GPD1L: variants seen among roughly 807,000 people sequenced by gnomAD.
GPD1L encodes the protein glycerol-3-phosphate dehydrogenase 1-like protein.
GPD1L carries 17 observed loss-of-function variants against 32.9 expected under a neutral mutation model. That is an observed-to-expected ratio of 0.52 (90% confidence interval 0.35 to 0.78). The LOEUF (loss-of-function observed/expected upper bound fraction) is 0.78. Ranked by LOEUF, GPD1L falls within the 30% of genes least tolerant of loss-of-function variation. GPD1L has a pLI of 0.01. For missense variants in GPD1L, 361 were observed against 447.8 expected (o/e 0.81, Z 1.75); for synonymous variants, 187 against 165.9 (o/e 1.13, Z -0.98).
intron 5 of GPD1L, among the ~76,000 whole-genome samples, chr3:32,152,955 C>T (rs1351040527): frequency 1.3e-5 from 2 of 151,894 alleles, no homozygotes; most frequent in African/African-American, 2.4e-5. Flanking sequence ...CTAGGTGTGA[C>T]CATAACTAGC....
chr3:32,109,473 A>G (rs531527776), intron 1 of GPD1L, among the ~76,000 whole-genome samples: 3 of 152,140 alleles, frequency 2.0e-5, no homozygotes, highest in Admixed American at 2.0e-4. Context: ...AGGGAAATGG[A>G]GTAGAACTTG....
intron 1 of GPD1L, among the ~76,000 whole-genome samples, chr3:32,115,878 T>C (rs1051243851): frequency 7.3e-6 from 1 of 137,282 alleles, no homozygotes; most frequent in Non-Finnish European, 1.5e-5. Context: ...AACCTCCACC[T>C]CCCGGGTTCA....
chr3:32,108,858 A>C (rs1383115973), intron 1 of GPD1L, among the ~76,000 whole-genome samples: 2 of 151,752 alleles, frequency 1.3e-5, no homozygotes, highest in Non-Finnish European at 2.9e-5. Context: ...TTTTTTTATT[A>C]CTATTTTTTT....
At chr3:32,130,305 T>C (rs1179194651) in intron 2 of GPD1L, among the ~76,000 whole-genome samples, 1 of 152,086 alleles carries the variant, frequency 6.6e-6, no homozygotes, top group Non-Finnish European at 1.5e-5. Context: ...ATTCTTCCTG[T>C]TTAAGTGAAA....
chr3:32,112,361 G>T (rs1019082489), intron 1 of GPD1L, among the ~76,000 whole-genome samples: 1 of 147,688 alleles, frequency 6.8e-6, no homozygotes, highest in South Asian at 2.2e-4. Flanking sequence ...ATGGCCGGGC[G>T]CAGTGGCTCA....
intron 1 of GPD1L, among the ~76,000 whole-genome samples, chr3:32,117,186 G>A (rs771029233): frequency 3.4e-4 from 51 of 152,090 alleles, no homozygotes; most frequent in Non-Finnish European, 5.6e-4. Context: ...TAATATTGCT[G>A]GGTATAGGTA....
At chr3:32,126,212 A>C (rs1222815452) in intron 1 of GPD1L, among the ~76,000 whole-genome samples, 3 of 152,230 alleles carry the variant, frequency 2.0e-5, no homozygotes, top group Admixed American at 6.5e-5. Flanking sequence ...TAAATAAATA[A>C]ATAAATACAT....
intron 1 of GPD1L, among the ~76,000 whole-genome samples, chr3:32,119,234 C>T (rs554745962): frequency 6.6e-6 from 1 of 152,348 alleles, no homozygotes; most frequent in East Asian, 1.9e-4. Context: ...AATCTACAAA[C>T]AGTATACAAG....
rs72546642 is a variant in GPD1L at position 32,159,591 on chromosome 3, G to A, written c.876G>A (p.Glu292=). 144 of 1,609,288 alleles carry A rather than the reference G, an allele frequency of 8.9e-5. No homozygotes were observed. Among genetic ancestry groups the A allele is most frequent in the Non-Finnish European group, 1.6e-5 (19 of 1,176,066 alleles). Residue 292 remains glutamate (E), a synonymous_variant, in exon 7 of 8, where the codon GAG becomes GAA. Coordinates refer to ENST00000282541, the MANE Select transcript of GPD1L (RefSeq NM_015141.4). ...AGACCATTGAAGAGTTGGAGAAGGA[G>A]ATGCTGAATGGGCAAAAGCTCCAAG... ...TGKTIEELEK[E]MLNGQKLQGP...
intron 2 of GPD1L, among the ~76,000 whole-genome samples, chr3:32,134,747 CA>C (rs2125482795): frequency 6.6e-6 from 1 of 152,282 alleles, no homozygotes; most frequent in South Asian, 2.1e-4. Flanking sequence ...CTCAGCCTCC[CA>C]AAAGTGTTGG....
At chr3:32,143,936 C>T (rs1034997369) in intron 4 of GPD1L, among the ~76,000 whole-genome samples, 3 of 152,032 alleles carry the variant, frequency 2.0e-5, no homozygotes, top group African/African-American at 7.2e-5. Flanking sequence ...GAGCAGTGAT[C>T]GCACCATGGC....
At chr3:32,149,365 A>T (rs1284428369) in intron 5 of GPD1L, among the ~76,000 whole-genome samples, 3 of 152,166 alleles carry the variant, frequency 2.0e-5, no homozygotes, top group East Asian at 3.9e-4. Context: ...CCAGCCATTG[A>T]TGTGTTTTAC....
chr3:32,112,172 G>A (rs948542515), intron 1 of GPD1L, among the ~76,000 whole-genome samples: 2 of 151,980 alleles, frequency 1.3e-5, no homozygotes, highest in Non-Finnish European at 2.9e-5. Flanking sequence ...TCCCCCACCT[G>A]TTTGGTATAC....
chr3:32,135,776 T>A (rs2167385), intron 2 of GPD1L, among the ~76,000 whole-genome samples: 21,280 of 152,132 alleles, frequency 0.14, 2,102 homozygotes, highest in East Asian at 0.47. Context: ...ATTAATGCAA[T>A]AGAATCAGAA....
In GPD1L at chr3:32,149,944, G is replaced by A. The variant is rs531248663; in HGVS notation, c.618+3210G>A. On this transcript the variant is annotated intron_variant, in intron 5 of 7. Coordinates refer to ENST00000282541, the MANE Select transcript of GPD1L (RefSeq NM_015141.4). ...AGCCTGGGCGACAGAGTGAGACTCC[G>A]TCTCAAAAAAAAAAAAAAATGTAAT... Among the ~76,000 whole-genome samples, 717 of 110,512 alleles carry A rather than the reference G, an allele frequency of 6.5e-3. 5 individuals are homozygous for A. Among genetic ancestry groups the A allele is most frequent in the Non-Finnish European group, 7.7e-3 (459 of 59,742 alleles). The allele number at this position is 110,512 out of a possible 152,430, so 72.5% of individuals were successfully genotyped here. A position where few individuals can be genotyped will look rare whatever the true frequency, so the allele number is the denominator to read the frequency against.
chr3:32,108,434 G>A (rs1700195913), intron 1 of GPD1L, among the ~76,000 whole-genome samples: 1 of 152,168 alleles, frequency 6.6e-6, no homozygotes, highest in Non-Finnish European at 1.5e-5. Context: ...CTGAGCCTGG[G>A]AGGCAGAGGT....
chr3:32,145,139 C>A (rs1382081699), intron 4 of GPD1L, among the ~76,000 whole-genome samples: 1 of 151,730 alleles, frequency 6.6e-6, no homozygotes, highest in Non-Finnish European at 1.5e-5. Flanking sequence ...GCCAACATGG[C>A]GAAACCCCAT....
chr3:32,158,796 C>T (rs1387143868), intron 5 of GPD1L, 80 bp from the exon 6 acceptor site: 11 of 1,561,852 alleles, frequency 7.0e-6, no homozygotes, highest in African/African-American at 4.1e-5. Context: ...GCCCCTGCCT[C>T]GGCATCCCCC....
At chr3:32,150,255 T>C (rs1241474774) in intron 5 of GPD1L, among the ~76,000 whole-genome samples, 1 of 152,202 alleles carries the variant, frequency 6.6e-6, no homozygotes, top group Non-Finnish European at 1.5e-5. Flanking sequence ...TATTTTTTGT[T>C]TGTTTTAATA....
Sources: gnomAD v4.1 joint callset for allele counts (sites outside exome capture counted in the v4.1 genomes callset) on GRCh38, gnomAD v4.1.1 for gene constraint, MANE v1.5 for transcripts, NCBI Gene and HGNC (gene_info 2026-07-23, HGNC 2026-07-21) for gene names.